The following ZDHHC20 variants were observed in gnomAD, a reference collection of about 807,000 sequenced individuals.
ZDHHC20 encodes the protein palmitoyltransferase ZDHHC20.
A neutral mutation model predicts 57.8 loss-of-function variants in ZDHHC20; 43 were observed. The ratio of observed to expected loss-of-function variants is 0.74; its 90% CI spans 0.58 to 0.96. The LOEUF (loss-of-function observed/expected upper bound fraction) is 0.96, where lower values mean the gene tolerates loss of function less well. Ranked by LOEUF, ZDHHC20 falls within the 40% of genes least tolerant of loss-of-function variation. The pLI is 0.00. For synonymous variants in ZDHHC20, 157 were observed against 153.0 expected (o/e 1.03, Z -0.19); for missense variants, 391 against 441.1 (o/e 0.89, Z 1.02).
intron 1 of ZDHHC20, among the ~76,000 whole-genome samples, chr13:21,430,582 G>C (rs966902904): frequency 1.3e-5 from 2 of 152,032 alleles, no homozygotes; most frequent in Admixed American, 6.5e-5. Context: ...GCTGGTGAGA[G>C]TGGGGGATGG....
At position 21,378,037 on chromosome 13, in the gene ZDHHC20, C is replaced by CT. The variant is rs566609879; in HGVS notation, c.*40+623dup. The stretch of plus-strand genomic sequence containing the variant: ...TTCCTCAATAGTGGACAAAAGTCAC[C>CT]TTTTTTTCTTTTTTCTTTTTTTGAG... On this transcript the variant is annotated intron_variant, in intron 12 of 12. Coordinates refer to ENST00000400590, the MANE Select transcript of ZDHHC20 (RefSeq NM_001330059.2). 1.1e-3 allele frequency among the ~76,000 whole-genome samples: 164 copies of CT among 152,068 alleles called. 1 individual carries two copies. The highest frequency in any genetic ancestry group is 1.9e-3 in the Non-Finnish European group (132 of 67,974).
chr13:21,451,014 A>C (rs1884390472), intron 1 of ZDHHC20, among the ~76,000 whole-genome samples: 1 of 152,224 alleles, frequency 6.6e-6, no homozygotes, highest in African/African-American at 2.4e-5. Flanking sequence ...TGGGCTTCCC[A>C]AAGTACTGAA....
chr13:21,453,667 A>G (rs547405495), intron 1 of ZDHHC20, among the ~76,000 whole-genome samples: 9 of 152,310 alleles, frequency 5.9e-5, no homozygotes, highest in Admixed American at 4.6e-4. Context: ...TAACAGAAAG[A>G]TATCTGGAAA....
Position 21,377,286 on chromosome 13 carries a change from G to A in ZDHHC20, c.*41-631C>T, listed in dbSNP as rs11841727. 6.5e-3 allele frequency: 608 copies of A among 93,838 alleles called. 1 individual carries two copies. The highest frequency in any genetic ancestry group is 0.024 in the African/African-American group (505 of 20,614). 5.8% of individuals were successfully genotyped at this position (93,838 alleles called of 1,614,324 possible). A position where few individuals can be genotyped will look rare whatever the true frequency, so the allele number is the denominator to read the frequency against. On this transcript the variant is annotated intron_variant, in intron 12 of 12. Transcript: ENST00000400590. ...TGCCTGCGATCTGACTCTGCCCGAC[G>A]TGACCTCCACCCCTAGTGCCTGCGA...
At chr13:21,457,435 T>A (rs1226899824) in intron 1 of ZDHHC20, among the ~76,000 whole-genome samples, 1 of 152,208 alleles carries the variant, frequency 6.6e-6, no homozygotes, top group Non-Finnish European at 1.5e-5. Flanking sequence ...CTATGATCAC[T>A]ACCACTTTCT....
chr13:21,402,143 TA>T (rs780265514), intron 5 of ZDHHC20, among the ~76,000 whole-genome samples: 34 of 152,020 alleles, frequency 2.2e-4, no homozygotes, highest in Non-Finnish European at 4.7e-4. Flanking sequence ...CTGAAGGAGA[TA>T]AAATGCAATA....
intron 2 of ZDHHC20, among the ~76,000 whole-genome samples, chr13:21,422,135 A>G (rs1880712852): frequency 6.6e-6 from 1 of 152,074 alleles, no homozygotes; most frequent in Non-Finnish European, 1.5e-5. Flanking sequence ...CTGATTATTA[A>G]TATTATTACT....
In ZDHHC20 at chr13:21,442,022, T is replaced by C. The variant is rs149931480; in HGVS notation, c.119-16344A>G. 5.1e-3 allele frequency among the ~76,000 whole-genome samples: 780 copies of C among 152,350 alleles called. 10 individuals carry two copies. Among genetic ancestry groups the C allele is most frequent in the African/African-American group, 0.018 (745 of 41,570 alleles). Reference sequence around the variant, plus strand: ...GGAATATTATCAAGTATTTTGTGTGTACATAAATTTTGTTTACGTTAGGTA... The same window carrying C: ...GGAATATTATCAAGTATTTTGTGTGCACATAAATTTTGTTTACGTTAGGTA... On this transcript the variant is annotated intron_variant, in intron 1 of 12. Transcript: ENST00000400590.
At chr13:21,395,799 C>A (rs1434402934) in intron 7 of ZDHHC20, among the ~76,000 whole-genome samples, 1 of 152,164 alleles carries the variant, frequency 6.6e-6, no homozygotes, top group Non-Finnish European at 1.5e-5. Context: ...CGCGCCCCAA[C>A]CCTATTTTCT....
chr13:21,383,555 T>C (rs1403883686), intron 9 of ZDHHC20, among the ~76,000 whole-genome samples: 2 of 152,162 alleles, frequency 1.3e-5, no homozygotes, highest in African/African-American at 2.4e-5. Flanking sequence ...CTTTTATAAT[T>C]TACATACATT....
intron 1 of ZDHHC20, among the ~76,000 whole-genome samples, chr13:21,436,868 T>C (rs185926352): frequency 2.6e-4 from 39 of 152,252 alleles, no homozygotes; most frequent in Middle Eastern, 3.4e-3. Context: ...GTTAGCCAAG[T>C]TGTGAATGCC....
chr13:21,403,480 T>C (rs1350203572), intron 4 of ZDHHC20, among the ~76,000 whole-genome samples: 2 of 152,182 alleles, frequency 1.3e-5, no homozygotes, highest in African/African-American at 2.4e-5. Context: ...TGTTCATGCC[T>C]TCACAGACCT....
chr13:21,443,484 A>C (rs9316374), intron 1 of ZDHHC20, among the ~76,000 whole-genome samples: 22,006 of 152,196 alleles, frequency 0.14, 2,156 homozygotes, highest in Non-Finnish European at 0.23. Flanking sequence ...ACTCACATAT[A>C]AACTGTGGTT....
intron 4 of ZDHHC20, among the ~76,000 whole-genome samples, chr13:21,409,324 GGT>G (rs1285089217): frequency 6.6e-6 from 1 of 152,084 alleles, no homozygotes; most frequent in Non-Finnish European, 1.5e-5. Flanking sequence ...ACTTCTTCCT[GGT>G]TTAGTTTTGG....
intron 1 of ZDHHC20, among the ~76,000 whole-genome samples, chr13:21,425,974 AATG>A (rs1193366479): frequency 1.4e-4 from 22 of 152,312 alleles, no homozygotes; most frequent in African/African-American, 5.1e-4. Flanking sequence ...CTCTTTCCTT[AATG>A]ATATCTGCAG....
At chr13:21,449,645 T>C (rs1056695828) in intron 1 of ZDHHC20, among the ~76,000 whole-genome samples, 2 of 151,450 alleles carry the variant, frequency 1.3e-5, no homozygotes, top group East Asian at 3.9e-4. Context: ...ATTATTATTA[T>C]ACTTTTTTTT....
At chr13:21,421,189 T>C in intron 2 of ZDHHC20, 25 bp from the exon 3 acceptor site, 1 of 1,591,944 alleles carries the variant, frequency 6.3e-7, no homozygotes, top group Non-Finnish European at 8.6e-7. Flanking sequence ...CAAATAACAG[T>C]TCATTGAATC....
At chr13:21,403,107 A>G (rs1454418960) in intron 4 of ZDHHC20, among the ~76,000 whole-genome samples, 1 of 152,198 alleles carries the variant, frequency 6.6e-6, no homozygotes. Context: ...GTAGATGCAA[A>G]GCAAATAAAT....
intron 1 of ZDHHC20, among the ~76,000 whole-genome samples, chr13:21,430,777 A>T (rs1881820023): frequency 6.6e-6 from 1 of 152,120 alleles, no homozygotes; most frequent in Non-Finnish European, 1.5e-5. Flanking sequence ...GAAGAAAAAA[A>T]AAATCTAGGG....
Sources: gnomAD v4.1 joint callset for allele counts (sites outside exome capture counted in the v4.1 genomes callset) on GRCh38, gnomAD v4.1.1 for gene constraint, MANE v1.5 for transcripts, NCBI Gene and HGNC (gene_info 2026-07-23, HGNC 2026-07-21) for gene names.